The following MIB1 variants were observed in gnomAD, a reference collection of about 807,000 sequenced individuals.
The protein encoded by MIB1 is MIB E3 ubiquitin protein ligase 1.
A neutral mutation model predicts 124.5 loss-of-function variants in MIB1; 278 were observed. The ratio of observed to expected loss-of-function variants is 2.23; its 90% CI spans 2.02 to 2.47. The LOEUF is 2.47. MIB1 is among the 30% of genes most tolerant of loss of function. MIB1 has a pLI of 0.00. For missense variants in MIB1, 957 were observed against 1,254.4 expected, an observed-to-expected ratio of 0.76 and a Z score of 3.58; for synonymous variants, 446 against 429.4, an observed-to-expected ratio of 1.04 and a Z score of -0.48.
At chr18:21,751,112 G>A (rs971923157) in intron 1 of MIB1, among the ~76,000 whole-genome samples, 1 of 151,932 alleles carries the variant, frequency 6.6e-6, no homozygotes, top group Admixed American at 6.6e-5. Context: ...TGAGGCAGGA[G>A]GATCAGTTGA....
At chr18:21,771,641 G>A (rs1293497384) in intron 3 of MIB1, among the ~76,000 whole-genome samples, 1 of 152,170 alleles carries the variant, frequency 6.6e-6, no homozygotes, top group Non-Finnish European at 1.5e-5. Context: ...TGGGATTGAT[G>A]AGATGGACAT....
rs557418312 is a variant in MIB1 at position 21,773,871 on chromosome 18, G to A, written c.636+143G>A. 25 of 539,398 alleles carry A rather than the reference G, an allele frequency of 4.6e-5. No homozygotes were observed. In the South Asian group the frequency reaches 6.2e-4, roughly 13 times the overall value. 33.4% of individuals were successfully genotyped at this position (539,398 alleles called of 1,614,324 possible). ...CTATGTTTCTCTAAACTATTTAATAGTAAATATGATTTGCCTTTAGTTTAA... is the reference window on the plus strand; with the variant it reads ...CTATGTTTCTCTAAACTATTTAATAATAAATATGATTTGCCTTTAGTTTAA... On this transcript the variant is annotated intron_variant, in intron 4 of 20. Transcript: ENST00000261537.
upstream of MIB1, among the ~76,000 whole-genome samples, chr18:21,739,513 A>G (rs1443956117): frequency 6.6e-6 from 1 of 152,176 alleles, no homozygotes; most frequent in African/African-American, 2.4e-5. Flanking sequence ...TTTCAGGCCA[A>G]TATCCCTGAT....
chr18:21,804,120 A>G, intron 10 of MIB1, 106 bp downstream of exon 10: 1 of 779,598 alleles, frequency 1.3e-6, no homozygotes, highest in East Asian at 2.7e-5. Context: ...GTATCCAACT[A>G]AGGCTTTTCT....
intron 17 of MIB1, among the ~76,000 whole-genome samples, chr18:21,852,005 AAGG>A (rs1212758262): frequency 1.3e-5 from 2 of 152,206 alleles, no homozygotes; most frequent in Admixed American, 1.3e-4. Flanking sequence ...GTTATATAGA[AAGG>A]AGAAGATAAT....
intron 20 of MIB1, among the ~76,000 whole-genome samples, chr18:21,858,901 A>G (rs2146521560): frequency 6.6e-6 from 1 of 152,340 alleles, no homozygotes; most frequent in South Asian, 2.1e-4. Flanking sequence ...CTAAAGCCAC[A>G]AGGAAGTTTT....
At chr18:21,710,123 C>A (rs1230852788) in intron 1 of MIB1, among the ~76,000 whole-genome samples, 1 of 151,556 alleles carries the variant, frequency 6.6e-6, no homozygotes, top group Non-Finnish European at 1.5e-5. Context: ...TAATGAAATT[C>A]TCTTTTTTTT....
intron 10 of MIB1, chr18:21,812,614 G>A (rs1274711924): frequency 1.3e-5 from 2 of 152,178 alleles, no homozygotes; most frequent in African/African-American, 2.4e-5. Flanking sequence ...GTGACTTACA[G>A]ATACTGATTT....
intron 1 of MIB1, among the ~76,000 whole-genome samples, chr18:21,765,488 T>G (rs1467861461): frequency 1.3e-5 from 2 of 152,236 alleles, no homozygotes; most frequent in African/African-American, 4.8e-5. Context: ...TCTTTCTCTG[T>G]GCTGAACTTA....
chr18:21,711,013 G>A (rs1469562537), intron 1 of MIB1, among the ~76,000 whole-genome samples: 1 of 151,966 alleles, frequency 6.6e-6, no homozygotes, highest in Non-Finnish European at 1.5e-5. Context: ...TTTTAGTAGA[G>A]ACAGGGTTTC....
At position 21,778,158 on chromosome 18, in the gene MIB1, G is replaced by T. The variant is rs374057629; in HGVS notation, c.692G>T (p.Cys231Phe). 1.9e-6 allele frequency: 3 copies of T among 1,604,094 alleles called. No homozygotes were observed. Among genetic ancestry groups the T allele is most frequent in the Non-Finnish European group, 2.6e-6 (3 of 1,171,346 alleles). Residue 231 changes from cysteine (C) to phenylalanine (F), a missense_variant, in exon 5 of 21, where the codon TGC becomes TTC. Cys to Phe is a radical substitution (Grantham distance 205). Coordinates refer to ENST00000261537, the MANE Select transcript of MIB1 (RefSeq NM_020774.4). ...GGAGGTTCTTTCTACAGAGATCACT[G>T]CCCTGTGCTAGGTGAGTGAGAAGAT... ...AKGGSFYRDH[C>F]PVLGEQNGNR...
At chr18:21,817,623 T>C in intron 11 of MIB1, 1 of 388,422 alleles carries the variant, frequency 2.6e-6, no homozygotes, top group Non-Finnish European at 5.1e-6. Flanking sequence ...AACAGGTGGC[T>C]CCAATGTGTA....
intron 12 of MIB1, among the ~76,000 whole-genome samples, chr18:21,822,228 C>G (rs2041885574): frequency 6.6e-6 from 1 of 152,144 alleles, no homozygotes; most frequent in South Asian, 2.1e-4. Flanking sequence ...AATATGAAAT[C>G]ATAAAGTTTA....
intron 1 of MIB1, among the ~76,000 whole-genome samples, chr18:21,744,704 A>G (rs2040893310): frequency 6.6e-6 from 1 of 152,062 alleles, no homozygotes; most frequent in South Asian, 2.1e-4. Flanking sequence ...CAGATTATGT[A>G]TTTTCGGCAA....
At chr18:21,759,370 G>A (rs1332040156) in intron 1 of MIB1, among the ~76,000 whole-genome samples, 1 of 151,940 alleles carries the variant, frequency 6.6e-6, no homozygotes, top group Non-Finnish European at 1.5e-5. Flanking sequence ...AGCCTCCCGA[G>A]TAGCTGGGAC....
chr18:21,835,528 G>A (rs1373725538), intron 12 of MIB1, among the ~76,000 whole-genome samples: 1 of 152,072 alleles, frequency 6.6e-6, no homozygotes, highest in Non-Finnish European at 1.5e-5. Flanking sequence ...AGCACTTTGG[G>A]AGGCCCAGGT....
intron 1 of MIB1, among the ~76,000 whole-genome samples, chr18:21,750,774 C>T (rs926237173): frequency 6.6e-6 from 1 of 152,158 alleles, no homozygotes; most frequent in Non-Finnish European, 1.5e-5. Flanking sequence ...ATCTCCTGCC[C>T]CACACCTCTT....
At chr18:21,724,402 A>T (rs1023749963) in intron 1 of MIB1, among the ~76,000 whole-genome samples, 5 of 151,976 alleles carry the variant, frequency 3.3e-5, no homozygotes, top group African/African-American at 1.2e-4. Flanking sequence ...GTTACATTCA[A>T]TTAAAAAATA....
chr18:21,772,830 A>G (rs1006858177), intron 3 of MIB1, among the ~76,000 whole-genome samples: 5 of 152,214 alleles, frequency 3.3e-5, no homozygotes, highest in Non-Finnish European at 7.3e-5. Flanking sequence ...AAGCAACTCA[A>G]GACCTACTTG....
Sources: allele counts gnomAD v4.1 joint callset (sites outside exome capture counted in the v4.1 genomes callset), GRCh38; gene constraint gnomAD v4.1.1; transcripts MANE v1.5; gene names NCBI Gene and HGNC (gene_info 2026-07-23, HGNC 2026-07-21).